The following PLEKHH2 variants were observed in gnomAD, a reference collection of about 807,000 sequenced individuals.
PLEKHH2 encodes pleckstrin homology, MyTH4 and FERM domain containing H2, also known as pleckstrin homology domain-containing family H member 2.
In PLEKHH2, 129 loss-of-function variants were observed where a neutral mutation model predicts 187.9. That is an observed-to-expected ratio of 0.69 (90% confidence interval 0.59 to 0.79). The LOEUF is 0.79. Among genes scored for constraint, PLEKHH2 ranks in the 30% least tolerant of loss-of-function variants. The pLI, the probability that PLEKHH2 is intolerant of heterozygous loss-of-function variation, is 0.00. For missense variants in PLEKHH2, 2,076 were observed against 1,751.2 expected (o/e 1.19, Z -3.31); for synonymous variants, 686 against 605.6 (o/e 1.13, Z -1.95).
At chr2:43,751,557 C>G (rs1398394382) in intron 24 of PLEKHH2, among the ~76,000 whole-genome samples, 1 of 152,196 alleles carries the variant, frequency 6.6e-6, no homozygotes, top group Non-Finnish European at 1.5e-5. Context: ...TGGTACTGGT[C>G]CACAGTGACG....
chr2:43,726,558 C>A, intron 17 of PLEKHH2, 107 bp downstream of exon 17: 2 of 1,054,050 alleles, frequency 1.9e-6, no homozygotes, highest in Non-Finnish European at 2.7e-6. Flanking sequence ...GAAAATTTTG[C>A]TATAGACTTT....
At chr2:43,666,444 C>T (rs1005788474) in intron 2 of PLEKHH2, among the ~76,000 whole-genome samples, 23 of 147,252 alleles carry the variant, frequency 1.6e-4, no homozygotes, top group Non-Finnish European at 2.9e-4. Flanking sequence ...CTGCGTCGCT[C>T]ACGCTGGGAG....
intron 15 of PLEKHH2, among the ~76,000 whole-genome samples, chr2:43,719,741 A>G (rs2104541703): frequency 6.6e-6 from 1 of 152,346 alleles, no homozygotes; most frequent in East Asian, 1.9e-4. Context: ...CACAGCCTTC[A>G]TCTTCTCACT....
chr2:43,674,047 T>A (rs1471461991), intron 2 of PLEKHH2, among the ~76,000 whole-genome samples: 1 of 152,208 alleles, frequency 6.6e-6, no homozygotes, highest in Non-Finnish European at 1.5e-5. Flanking sequence ...CATGGTACTT[T>A]AGGCATGACA....
At position 43,700,581 on chromosome 2, in the gene PLEKHH2, T is replaced by C; in HGVS notation, c.1623T>C (p.Thr541=). 6.2e-7 allele frequency: 1 copy of C among 1,611,256 alleles called. No homozygotes were observed. Among genetic ancestry groups the C allele is most frequent in the South Asian group, 1.1e-5 (1 of 91,012 alleles). Residue 541 remains threonine, a synonymous_variant, in exon 8 of 30, where the codon ACT becomes ACC. Transcript: ENST00000282406. ...AGGTGGCATACAGCAAACCTCCAAC[T>C]CCTCCCCTGCACCGTTTTCCTTCTT... ...AKKVAYSKPP[T]PPLHRFPSWE...
In PLEKHH2 at chr2:43,703,976, C is replaced by G. The variant is rs777871902; in HGVS notation, c.1651-5C>G. 2.1e-6 allele frequency: 3 copies of G among 1,401,668 alleles called. No homozygotes were observed. Among genetic ancestry groups the G allele is most frequent in the Admixed American group, 1.8e-5 (1 of 55,320 alleles). The allele number at this position is 1,401,668 out of a possible 1,614,324, so 86.8% of individuals were successfully genotyped here. A position where few individuals can be genotyped will look rare whatever the true frequency, so the allele number is the denominator to read the frequency against. On this transcript the variant is annotated splice_region_variant and splice_polypyrimidine_tract_variant and intron_variant, in intron 8 of 29. Coordinates refer to ENST00000282406, the MANE Select transcript of PLEKHH2 (RefSeq NM_172069.4). The stretch of plus-strand genomic sequence containing the variant: ...ACCCTGTTCAAACTCTCTCTTTTAC[C>G]CTAGGAAAGCAGAATTTATGCTGTA...
chr2:43,722,384 G>A (rs1259417849), intron 16 of PLEKHH2, among the ~76,000 whole-genome samples: 1 of 152,096 alleles, frequency 6.6e-6, no homozygotes, highest in African/African-American at 2.4e-5. Context: ...GCCAATGAAG[G>A]TCAGAGAAGA....
intron 2 of PLEKHH2, among the ~76,000 whole-genome samples, chr2:43,678,175 C>G (rs1331582522): frequency 6.6e-6 from 1 of 151,846 alleles, no homozygotes; most frequent in Non-Finnish European, 1.5e-5. Context: ...AGAGGCTCCT[C>G]ACTTCCTAGA....
chr2:43,722,545 A>G (rs928447071), intron 16 of PLEKHH2, among the ~76,000 whole-genome samples: 34 of 152,298 alleles, frequency 2.2e-4, no homozygotes, highest in African/African-American at 7.9e-4. Context: ...CTAAACTTCA[A>G]GTAGATTCTC....
chr2:43,666,147 C>A (rs1396079587), intron 2 of PLEKHH2, among the ~76,000 whole-genome samples: 1 of 149,892 alleles, frequency 6.7e-6, no homozygotes, highest in Non-Finnish European at 1.5e-5. Context: ...GTAGGACCCT[C>A]CAAGCCAGGT....
chr2:43,708,710 A>T (rs1669794525), intron 11 of PLEKHH2, among the ~76,000 whole-genome samples: 1 of 152,158 alleles, frequency 6.6e-6, no homozygotes, highest in African/African-American at 2.4e-5. Flanking sequence ...AGTGCCTGGC[A>T]CACTGGCCCT....
chr2:43,714,470 G>A (rs116679591), intron 15 of PLEKHH2, among the ~76,000 whole-genome samples: 200 of 152,258 alleles, frequency 1.3e-3, no homozygotes, highest in African/African-American at 4.7e-3. Context: ...TATTCTGAGT[G>A]ACTTGTTCTG....
At chr2:43,642,615 C>A (rs1385498879) in intron 1 of PLEKHH2, among the ~76,000 whole-genome samples, 1 of 152,118 alleles carries the variant, frequency 6.6e-6, no homozygotes, top group East Asian at 1.9e-4. Flanking sequence ...CGTCCTCTAT[C>A]AGGATGAGGA....
At chr2:43,693,749 T>C (rs1388873455) in intron 4 of PLEKHH2, among the ~76,000 whole-genome samples, 1 of 101,292 alleles carries the variant, frequency 9.9e-6, no homozygotes, top group African/African-American at 4.2e-5. Context: ...AAGGAAAAAA[T>C]TGCACTGGGG....
chr2:43,748,743 G>T (rs566268887), intron 24 of PLEKHH2, among the ~76,000 whole-genome samples: 79 of 150,538 alleles, frequency 5.2e-4, no homozygotes, highest in African/African-American at 1.9e-3. Context: ...CATTTATGGA[G>T]AAGAGGTTCA....
In PLEKHH2 at chr2:43,764,376, G is replaced by A. The variant is rs749739453; in HGVS notation, c.4296+11G>A. 1.4e-5 allele frequency: 22 copies of A among 1,611,504 alleles called. No homozygotes were observed. In the South Asian group the frequency reaches 1.4e-4, roughly 10 times the overall value. On this transcript the variant is annotated intron_variant, in intron 29 of 29. Coordinates refer to ENST00000282406, the MANE Select transcript of PLEKHH2 (RefSeq NM_172069.4). ...ATGGCAAAACCCAAGGTGAGTAGAAGCCTTTCTGCCAACTTTTTTGTCCTA... is the reference window on the plus strand; with the variant it reads ...ATGGCAAAACCCAAGGTGAGTAGAAACCTTTCTGCCAACTTTTTTGTCCTA...
At chr2:43,744,828 A>G (rs1572652767) in intron 23 of PLEKHH2, among the ~76,000 whole-genome samples, 1 of 148,610 alleles carries the variant, frequency 6.7e-6, no homozygotes, top group East Asian at 2.0e-4. Context: ...TGATCACGCC[A>G]CTGCACTCCA....
rs189191150 is a variant in PLEKHH2, at chr2:43,727,189, G to A, written c.2721+738G>A. 4.3e-4 allele frequency among the ~76,000 whole-genome samples: 66 copies of A among 152,242 alleles called. 1 individual carries two copies. In the East Asian group the frequency reaches 0.011, roughly 26 times the overall value. On this transcript the variant is annotated intron_variant, in intron 17 of 29. Coordinates refer to ENST00000282406, the MANE Select transcript of PLEKHH2 (RefSeq NM_172069.4). ...AGCACTTCGGGAGGCCGAGGCGGGTGGATCACAAGGTCAGGAAGATCGAGA... is the reference window on the plus strand; with the variant it reads ...AGCACTTCGGGAGGCCGAGGCGGGTAGATCACAAGGTCAGGAAGATCGAGA...
chr2:43,762,730 A>G (rs1356724397), intron 28 of PLEKHH2, among the ~76,000 whole-genome samples: 1 of 152,222 alleles, frequency 6.6e-6, no homozygotes, highest in Non-Finnish European at 1.5e-5. Context: ...TTAAGGTGGG[A>G]ACTTTAATTA....
Sources: gnomAD v4.1 joint callset for allele counts (sites outside exome capture counted in the v4.1 genomes callset) on GRCh38, gnomAD v4.1.1 for gene constraint, MANE v1.5 for transcripts, NCBI Gene and HGNC (gene_info 2026-07-23, HGNC 2026-07-21) for gene names.